Variants in RBFOX1 observed in about 807,000 individuals in gnomAD.
The protein encoded by RBFOX1 is RNA binding fox-1 homolog 1.
In RBFOX1, 8 loss-of-function variants were observed where a neutral mutation model predicts 57.7. The ratio of observed to expected loss-of-function variants is 0.14; its 90% CI spans 0.08 to 0.25. The LOEUF (loss-of-function observed/expected upper bound fraction) is 0.25. Among genes scored for constraint, RBFOX1 ranks in the 10% least tolerant of loss-of-function variants. The pLI is 1.00. For missense variants in RBFOX1, 611 were observed against 548.5 expected (o/e 1.11, Z -1.14); for synonymous variants, 326 against 222.4 (o/e 1.47, Z -4.15).
At chr16:7,376,468 C>T (rs545163418) in intron 4 of RBFOX1, among the ~76,000 whole-genome samples, 1 of 152,196 alleles carries the variant, frequency 6.6e-6, no homozygotes, top group African/African-American at 2.4e-5. Context: ...TGAGGTCAAA[C>T]ATGCTGGGAG....
chr16:6,494,382 CT>C (rs1477315454), intron 2 of RBFOX1, among the ~76,000 whole-genome samples: 1 of 152,196 alleles, frequency 6.6e-6, no homozygotes, highest in East Asian at 1.9e-4. Flanking sequence ...CCACCTGCCC[CT>C]GTTCTTAACC....
intron 3 of RBFOX1, among the ~76,000 whole-genome samples, chr16:5,712,714 G>C (rs2051538809): frequency 6.6e-6 from 1 of 152,214 alleles, no homozygotes; most frequent in Admixed American, 6.5e-5. Context: ...ACAGAGTCCA[G>C]ATTTTAACCC....
intron 4 of RBFOX1, among the ~76,000 whole-genome samples, chr16:7,143,290 T>A (rs1271000945): frequency 6.6e-6 from 1 of 152,012 alleles, no homozygotes; most frequent in Non-Finnish European, 1.5e-5. Flanking sequence ...TGCGTCCAAC[T>A]GTTTTCCAGC....
chr16:5,257,986 C>G (rs2062632664), intron 1 of RBFOX1, among the ~76,000 whole-genome samples: 1 of 152,122 alleles, frequency 6.6e-6, no homozygotes, highest in African/African-American at 2.4e-5. Context: ...TCAGGTGATC[C>G]TCCCACCTCA....
At chr16:5,646,665 C>T (rs778696035) in intron 3 of RBFOX1, among the ~76,000 whole-genome samples, 3 of 151,964 alleles carry the variant, frequency 2.0e-5, no homozygotes, top group Non-Finnish European at 4.4e-5. Flanking sequence ...GATGGAGTCT[C>T]GCTTTGTCAC....
intron 4 of RBFOX1, among the ~76,000 whole-genome samples, chr16:5,868,587 C>G (rs2057395694): frequency 6.6e-6 from 1 of 152,164 alleles, no homozygotes; most frequent in Admixed American, 6.5e-5. Context: ...TGTCGGCATC[C>G]TCGGATACAG....
rs143718204 is a variant in RBFOX1 at position 6,499,473 on chromosome 16, C to T, written c.-63-155130C>T. On this transcript the variant is annotated intron_variant, in intron 2 of 15. Transcript: ENST00000550418. ...AAGTGGGTATCACACAGCCTAGGGACAATGGTATTAGATTTGTAATAAGCA... is the reference window on the plus strand; with the variant it reads ...AAGTGGGTATCACACAGCCTAGGGATAATGGTATTAGATTTGTAATAAGCA... 3.3e-5 allele frequency among the ~76,000 whole-genome samples: 5 copies of T among 152,106 alleles called. No homozygotes were observed. The East Asian group carries it at 5.8e-4, about 18-fold the overall frequency.
chr16:7,453,540 C>T (rs984714748), intron 4 of RBFOX1, among the ~76,000 whole-genome samples: 1 of 152,142 alleles, frequency 6.6e-6, no homozygotes, highest in Admixed American at 6.5e-5. Context: ...GCATTGTGTT[C>T]ATAGTGTATG....
At chr16:5,913,523 C>G (rs1242190506) in intron 4 of RBFOX1, among the ~76,000 whole-genome samples, 2 of 152,144 alleles carry the variant, frequency 1.3e-5, no homozygotes, top group Non-Finnish European at 2.9e-5. Context: ...CACCTGCACC[C>G]CTTTGCTTTC....
chr16:7,458,782 C>A (rs726476), intron 4 of RBFOX1, among the ~76,000 whole-genome samples: 7 of 151,934 alleles, frequency 4.6e-5, no homozygotes, highest in Admixed American at 2.6e-4. Context: ...ATCAGACCCC[C>A]TCTTCACTCC....
chr16:6,522,154 A>AGTGTGTGT lies in RBFOX1; in HGVS notation c.-63-132414_-63-132407dup, dbSNP rs35360830. On this transcript the variant is annotated intron_variant, in intron 2 of 15. Coordinates refer to ENST00000550418, the MANE Select transcript of RBFOX1 (RefSeq NM_018723.4). ...TTTTAATGGCACTCTGGGGACCCAC[A>AGTGTGTGT]GTGTGTGTGTGTGTGTGTGTGTGTG... is the stretch of plus-strand genomic sequence containing the variant. Among the ~76,000 whole-genome samples, 1,330 of 142,836 alleles carry AGTGTGTGT rather than the reference A, an allele frequency of 9.3e-3. 29 individuals are homozygous for AGTGTGTGT. Among genetic ancestry groups the AGTGTGTGT allele is most frequent in the African/African-American group, 0.029 (1,122 of 38,526 alleles). 93.7% of individuals were successfully genotyped at this position (142,836 alleles called of 152,430 possible).
At chr16:6,598,033 T>C (rs969329419) in intron 2 of RBFOX1, among the ~76,000 whole-genome samples, 1 of 152,236 alleles carries the variant, frequency 6.6e-6, no homozygotes, top group African/African-American at 2.4e-5. Context: ...GACAAAATGA[T>C]ATCTTTATGG....
At chr16:6,873,040 C>A (rs115815793) in intron 3 of RBFOX1, among the ~76,000 whole-genome samples, 1 of 151,718 alleles carries the variant, frequency 6.6e-6, no homozygotes, top group Non-Finnish European at 1.5e-5. Flanking sequence ...TCTATATTCT[C>A]AGCATTTCTG....
At chr16:6,719,290 A>C (rs1342176873) in intron 3 of RBFOX1, among the ~76,000 whole-genome samples, 1 of 152,166 alleles carries the variant, frequency 6.6e-6, no homozygotes, top group African/African-American at 2.4e-5. Flanking sequence ...CAACAGAAAA[A>C]AAGAGGAAAA....
In RBFOX1 at chr16:7,054,356, C is replaced by T. The variant is rs572767300; in HGVS notation, c.27+2258C>T. Among the ~76,000 whole-genome samples the T allele has an allele frequency of 4.7e-4, 70 of 149,956 alleles. 1 individual carries two copies. The highest frequency in any genetic ancestry group is 1.7e-3 in the African/African-American group (68 of 40,794). On this transcript the variant is annotated intron_variant, in intron 4 of 15. Transcript: ENST00000550418. ...CCTGGTTTAAGCAATTCTCGTGCCT[C>T]AGCCTCCAGAGTCGCTGGGATTACA...
chr16:7,031,785 C>T (rs992858596), intron 3 of RBFOX1, among the ~76,000 whole-genome samples: 2 of 152,160 alleles, frequency 1.3e-5, no homozygotes, highest in African/African-American at 4.8e-5. Context: ...AGAGAAGATG[C>T]AGATGGCTTG....
At chr16:5,242,399 G>A (rs141728894) in intron 1 of RBFOX1, among the ~76,000 whole-genome samples, 1,552 of 152,290 alleles carry the variant, frequency 0.01, 30 homozygotes, top group African/African-American at 0.036. Flanking sequence ...CTCGAAAAGA[G>A]GGAATCTTGA....
intron 2 of RBFOX1, among the ~76,000 whole-genome samples, chr16:6,413,354 G>T (rs985494280): frequency 1.3e-4 from 19 of 151,898 alleles, no homozygotes; most frequent in Admixed American, 3.9e-4. Flanking sequence ...TAGAGATAGG[G>T]GGTCTTGCTC....
chr16:7,093,764 G>A (rs1046715402), intron 4 of RBFOX1, among the ~76,000 whole-genome samples: 1 of 152,042 alleles, frequency 6.6e-6, no homozygotes, highest in Non-Finnish European at 1.5e-5. Context: ...GATGTAAATT[G>A]ATCAGTACTT....
Sources: allele counts gnomAD v4.1 joint callset (sites outside exome capture counted in the v4.1 genomes callset), GRCh38; gene constraint gnomAD v4.1.1; transcripts MANE v1.5; gene names NCBI Gene and HGNC (gene_info 2026-07-23, HGNC 2026-07-21).